The following BLVRA variants were observed in gnomAD, a reference collection of about 807,000 sequenced individuals.
BLVRA encodes biliverdin reductase A.
Under a neutral mutation model 32.8 loss-of-function variants are expected in BLVRA, and 22 were observed. The ratio of observed to expected loss-of-function variants is 0.67; its 90% CI spans 0.48 to 0.96. BLVRA has a LOEUF of 0.96. Among genes scored for constraint, BLVRA ranks in the 40% least tolerant of loss-of-function variants. The pLI is 0.00. For missense variants in BLVRA, 323 were observed against 358.1 expected (o/e 0.90, Z 0.79); for synonymous variants, 119 against 141.3 (o/e 0.84, Z 1.12).
intron 3 of BLVRA, among the ~76,000 whole-genome samples, chr7:43,789,876 C>CGT (rs141385505): frequency 0.018 from 2,727 of 149,020 alleles, 28 homozygotes; most frequent in African/African-American, 0.031. Flanking sequence ...GTGGTATGTA[C>CGT]GTGTGTGTGT....
intron 1 of BLVRA, among the ~76,000 whole-genome samples, chr7:43,762,606 CTTTTTTTTT>C (rs1162480081): frequency 2.0e-5 from 2 of 100,870 alleles, no homozygotes; most frequent in African/African-American, 4.5e-5. Context: ...CCAGTAGTTC[CTTTTTTTTT>C]TTTTTTTTTT....
chr7:43,788,468 A>G (rs954930255), intron 3 of BLVRA, among the ~76,000 whole-genome samples: 6 of 152,204 alleles, frequency 3.9e-5, no homozygotes, highest in African/African-American at 7.2e-5. Flanking sequence ...AGGCTGAACC[A>G]CAGAAAGGTT....
At chr7:43,758,666 T>G (rs2095738850), upstream of BLVRA, 1 of 152,366 alleles carries the variant, frequency 6.6e-6, no homozygotes, top group Admixed American at 6.5e-5. Context: ...CAATCGGAGC[T>G]GGGATCCCGC....
intron 1 of BLVRA, among the ~76,000 whole-genome samples, chr7:43,769,136 T>A (rs1423826963): frequency 6.6e-6 from 1 of 151,904 alleles, no homozygotes; most frequent in Non-Finnish European, 1.5e-5. Flanking sequence ...CAAGTAATCC[T>A]CCTGCCCCAG....
chr7:43,773,112 CCTAT>C (rs2095756437), intron 2 of BLVRA, among the ~76,000 whole-genome samples: 1 of 151,986 alleles, frequency 6.6e-6, no homozygotes, highest in African/African-American at 2.4e-5. Context: ...CAACTGTTAT[CCTAT>C]CTTTCTTTTT....
chr7:43,758,301 G>A (rs530233225), upstream of BLVRA, among the ~76,000 whole-genome samples: 1 of 115,038 alleles, frequency 8.7e-6, no homozygotes, highest in Non-Finnish European at 2.2e-5. Context: ...GTGGGGGGCG[G>A]ATAAGAGAGA....
At chr7:43,758,228 C>T (rs2095738122), upstream of BLVRA, among the ~76,000 whole-genome samples, 1 of 151,946 alleles carries the variant, frequency 6.6e-6, no homozygotes, top group African/African-American at 2.4e-5. Context: ...TAAGCCTCGG[C>T]GCCAGTTCAG....
intron 2 of BLVRA, among the ~76,000 whole-genome samples, chr7:43,784,598 C>CTTTTTT (rs5883874): frequency 5.9e-5 from 5 of 85,266 alleles, no homozygotes; most frequent in East Asian, 6.7e-4. Context: ...TCACTCATAT[C>CTTTTTT]TTTTTTTTTT....
rs1585735518 is a variant in BLVRA at position 43,792,781 on chromosome 7, T to C, written c.321T>C (p.Ala107=). Residue 107 remains alanine, a synonymous_variant, in exon 5 of 8, where the codon GCT becomes GCC. Coordinates refer to ENST00000265523, the MANE Select transcript of BLVRA (RefSeq NM_000712.4). The part of the protein sequence containing the change: ...EYPMTLSLAA[A]QELWELAEQK... ...CCATGACACTGTCATTGGCGGCCGC[T>C]CAGGAACTGTGGGAGCTGGCTGAGC... is the stretch of plus-strand genomic sequence containing the variant. The C allele has an allele frequency of 6.2e-7, 1 of 1,614,192 alleles. No homozygotes were observed. Among genetic ancestry groups the C allele is most frequent in the Non-Finnish European group, 8.5e-7 (1 of 1,180,014 alleles).
rs184757001 is a variant in BLVRA at position 43,784,196 on chromosome 7, A to G, written c.13-3708A>G. 5.5e-4 allele frequency among the ~76,000 whole-genome samples: 83 copies of G among 152,252 alleles called. 1 individual carries two copies. Among genetic ancestry groups the G allele is most frequent in the Admixed American group, 4.0e-3 (61 of 15,282 alleles). On this transcript the variant is annotated intron_variant, in intron 2 of 7. Transcript: ENST00000265523. ...CCTTAAATACCACCTCTATAGGGCT[A>G]TTTGTAGTGGCATTTTCCCAAAGGT...
Position 43,787,959 on chromosome 7 carries a change from G to A in BLVRA, c.68G>A (p.Arg23Gln), listed in dbSNP as rs1261645202. ...VVGVGRAGSV[R>Q]MRDLRNPHPS... ...GGTGTTGGCCGAGCCGGCTCCGTGC[G>A]GATGAGGGACTTGCGGAATCCACAC... The change falls in exon 3 of 8, where the codon CGG (arginine) becomes CAG (glutamine). Residue 23 changes from arginine to glutamine, a missense_variant. Transcript: ENST00000265523. This position sits in a 1 kb window ranked among gnomAD's most constrained non-coding sequence, Gnocchi z 4.5. The A allele has an allele frequency of 5.6e-6, 9 of 1,614,066 alleles. No homozygotes were observed. The highest frequency in any genetic ancestry group is 2.2e-5 in the East Asian group (1 of 44,898).
At chr7:43,767,818 A>G in intron 1 of BLVRA, among the ~76,000 whole-genome samples, 1 of 150,710 alleles carries the variant, frequency 6.6e-6, no homozygotes, top group East Asian at 1.9e-4. Context: ...GAAAAGTTAA[A>G]TTAGTTACAA....
chr7:43,788,680 G>A (rs1185637232), intron 3 of BLVRA, among the ~76,000 whole-genome samples: 1 of 152,124 alleles, frequency 6.6e-6, no homozygotes, highest in Non-Finnish European at 1.5e-5. Flanking sequence ...TGCAATCACA[G>A]CGCACTGCAG....
intron 1 of BLVRA, among the ~76,000 whole-genome samples, chr7:43,769,943 C>G (rs968763372): frequency 6.6e-6 from 1 of 152,198 alleles, no homozygotes; most frequent in Non-Finnish European, 1.5e-5. Flanking sequence ...AAAGCCTACA[C>G]GATCACCCAT....
intron 2 of BLVRA, among the ~76,000 whole-genome samples, chr7:43,776,642 T>C (rs1382294246): frequency 6.6e-6 from 1 of 152,240 alleles, no homozygotes; most frequent in Non-Finnish European, 1.5e-5. Flanking sequence ...GAGAGTTCTG[T>C]AGATGTCTAT....
intron 5 of BLVRA, among the ~76,000 whole-genome samples, chr7:43,795,506 C>T (rs1369981469): frequency 1.3e-5 from 2 of 151,446 alleles, no homozygotes; most frequent in Non-Finnish European, 2.9e-5. Context: ...TGGAGTGAGA[C>T]TCTGCTCAAA....
At chr7:43,774,741 T>G (rs2095758734) in intron 2 of BLVRA, among the ~76,000 whole-genome samples, 1 of 152,242 alleles carries the variant, frequency 6.6e-6, no homozygotes, top group African/African-American at 2.4e-5. Flanking sequence ...GTATGGCCAT[T>G]TTCACGATAT....
intron 1 of BLVRA, among the ~76,000 whole-genome samples, chr7:43,759,543 G>A (rs77686183): frequency 6.6e-6 from 1 of 152,142 alleles, no homozygotes; most frequent in African/African-American, 2.4e-5. Flanking sequence ...TGTAAAAGTG[G>A]GGGTAATCAT....
chr7:43,765,173 T>C (rs2095746453), intron 1 of BLVRA, among the ~76,000 whole-genome samples: 1 of 152,256 alleles, frequency 6.6e-6, no homozygotes, highest in Non-Finnish European at 1.5e-5. Flanking sequence ...TCTTTCAACT[T>C]TCTAGTGAGT....
Sources: allele counts gnomAD v4.1 joint callset (sites outside exome capture counted in the v4.1 genomes callset), GRCh38; gene constraint gnomAD v4.1.1; non-coding constraint Gnocchi (gnomAD v3.1); transcripts MANE v1.5; gene names NCBI Gene and HGNC (gene_info 2026-07-23, HGNC 2026-07-21).